The following DNAH9 variants were observed in gnomAD, a reference collection of about 807,000 sequenced individuals.
The protein encoded by DNAH9 is DNAH9 variant protein.
Under a neutral mutation model 471.6 loss-of-function variants are expected in DNAH9, and 345 were observed. The observed-to-expected ratio is 0.73, with a 90% CI of 0.67 to 0.80. The LOEUF (loss-of-function observed/expected upper bound fraction) is 0.80. DNAH9 is among the 30% of genes least tolerant of loss of function. DNAH9 has a pLI of 0.00. For synonymous variants in DNAH9, 2,093 were observed against 2,123.6 expected (o/e 0.99, Z 0.40); for missense variants, 5,407 against 5,609.2 (o/e 0.96, Z 1.15).
Position 11,969,689 on chromosome 17 carries a change from G to C in DNAH9, c.*162G>C. 1.6e-6 allele frequency: 1 copy of C among 628,000 alleles called. No homozygotes were observed. The highest frequency in any genetic ancestry group is 2.7e-6 in the Non-Finnish European group (1 of 366,094). The allele number at this position is 628,000 out of a possible 1,614,324, so 38.9% of individuals were successfully genotyped here. A position where few individuals can be genotyped will look rare whatever the true frequency, so the allele number is the denominator to read the frequency against. ...GGGAACTTGGAGAGGTGTGCCTAAGGTGAGGCTGAGCTGAAGGAATGTGGG... is the reference window on the plus strand; with the variant it reads ...GGGAACTTGGAGAGGTGTGCCTAAGCTGAGGCTGAGCTGAAGGAATGTGGG... On this transcript the variant is annotated 3_prime_UTR_variant, in exon 69 of 69. Transcript: ENST00000262442.
intron 14 of DNAH9, among the ~76,000 whole-genome samples, chr17:11,653,231 TTTAA>T (rs1425414088): frequency 6.6e-6 from 1 of 152,224 alleles, no homozygotes; most frequent in Non-Finnish European, 1.5e-5. Flanking sequence ...GGTGACAACA[TTTAA>T]TTGTCACATG....
At chr17:11,772,465 T>C (rs2322050) in intron 38 of DNAH9, among the ~76,000 whole-genome samples, 44,625 of 151,990 alleles carry the variant, frequency 0.29, 10,698 homozygotes, top group African/African-American at 0.67. Flanking sequence ...ACAGAGAATT[T>C]CTTTTTTTCT....
chr17:11,741,371 T>G (rs1186102961), intron 29 of DNAH9, among the ~76,000 whole-genome samples: 1 of 152,200 alleles, frequency 6.6e-6, no homozygotes, highest in African/African-American at 2.4e-5. Context: ...CAAGATAGGG[T>G]TAATAAGTAT....
intron 4 of DNAH9, among the ~76,000 whole-genome samples, chr17:11,615,320 C>G (rs1040845323): frequency 1.3e-5 from 2 of 152,108 alleles, no homozygotes; most frequent in Admixed American, 1.3e-4. Context: ...CACAGTGGCT[C>G]ACACCTGCAA....
chr17:11,883,828 A>G, intron 56 of DNAH9, 78 bp downstream of exon 56: 2 of 1,461,578 alleles, frequency 1.4e-6, no homozygotes, highest in Non-Finnish European at 9.2e-7. Context: ...TTAGACAATG[A>G]GTCTGACTTT....
intron 61 of DNAH9, among the ~76,000 whole-genome samples, chr17:11,909,518 C>T (rs1239516699): frequency 6.6e-6 from 1 of 152,188 alleles, no homozygotes; most frequent in Non-Finnish European, 1.5e-5. Flanking sequence ...CCTACGATTT[C>T]CCCTTGCTCC....
chr17:11,887,007 A>G, intron 57 of DNAH9, 42 bp downstream of exon 57: 1 of 1,579,640 alleles, frequency 6.3e-7, no homozygotes, highest in Non-Finnish European at 8.6e-7. Flanking sequence ...ATAATAAAGC[A>G]GTGTAATATT....
At chr17:11,901,852 C>T (rs1325705266) in intron 59 of DNAH9, among the ~76,000 whole-genome samples, 2 of 152,198 alleles carry the variant, frequency 1.3e-5, no homozygotes, top group African/African-American at 2.4e-5. Context: ...GCCCAAGGGC[C>T]ATGGGTTGGA....
rs970071318 is a variant in DNAH9, at chr17:11,878,131, A to T, written c.10479-1947A>T. 2.0e-5 allele frequency among the ~76,000 whole-genome samples: 3 copies of T among 152,222 alleles called. No homozygotes were observed. The South Asian group carries it at 6.2e-4, about 31-fold the overall frequency. ...TAAAATATTCTTTTCCAGCTGACTAACAATGCATTTTAGACAGGTGTATGT... is the reference window on the plus strand; with the variant it reads ...TAAAATATTCTTTTCCAGCTGACTATCAATGCATTTTAGACAGGTGTATGT... On this transcript the variant is annotated intron_variant, in intron 53 of 68. Transcript: ENST00000262442.
intron 67 of DNAH9, among the ~76,000 whole-genome samples, chr17:11,944,568 C>T (rs575912417): frequency 6.6e-6 from 1 of 152,234 alleles, no homozygotes; most frequent in African/African-American, 2.4e-5. Context: ...CAAAAGGTGA[C>T]AAAACAATGA....
rs781304798 is a variant in DNAH9 at position 11,744,787 on chromosome 17, C to T, written c.6112-10C>T. On this transcript the variant is annotated splice_polypyrimidine_tract_variant and intron_variant, in intron 30 of 68. Coordinates refer to ENST00000262442, the MANE Select transcript of DNAH9 (RefSeq NM_001372.4). Reference sequence around the variant, plus strand: ...GTCTCTCTGTCACTTTGATCTAACACTGCCCACAGGATCACTACGACTGGG... The same window carrying T: ...GTCTCTCTGTCACTTTGATCTAACATTGCCCACAGGATCACTACGACTGGG... The T allele has an allele frequency of 2.5e-6, 4 of 1,605,628 alleles. No homozygotes were observed. Among genetic ancestry groups the T allele is most frequent in the Admixed American group, 1.7e-5 (1 of 59,498 alleles).
intron 36 of DNAH9, among the ~76,000 whole-genome samples, chr17:11,765,277 C>A (rs556045911): frequency 6.6e-6 from 1 of 152,228 alleles, no homozygotes; most frequent in East Asian, 1.9e-4. Context: ...TCTCTTGCAA[C>A]AGGGGATCAG....
intron 13 of DNAH9, 73 bp downstream of exon 13, chr17:11,651,397 A>G: frequency 6.9e-7 from 1 of 1,439,688 alleles, no homozygotes; most frequent in South Asian, 1.3e-5. Context: ...TAGAACCTCC[A>G]ATTATTCCCT....
chr17:11,961,507 A>AATC (rs150460351), intron 67 of DNAH9, among the ~76,000 whole-genome samples: 1,618 of 152,216 alleles, frequency 0.011, 33 homozygotes, highest in African/African-American at 0.037. Context: ...CATGCAGGAG[A>AATC]GTCATGGAAT....
Position 11,969,581 on chromosome 17 carries a change from A to AG in DNAH9, c.*57dup, listed in dbSNP as rs1044950461. ...AAAGCTGGGCTTGGAGGCTGCCTAGAGGGACAGGTGGGTGAAGGGTCACCA... is the reference window on the plus strand; with the variant it reads ...AAAGCTGGGCTTGGAGGCTGCCTAGAGGGGACAGGTGGGTGAAGGGTCACCA... On this transcript the variant is annotated 3_prime_UTR_variant, in exon 69 of 69. Transcript: ENST00000262442. The AG allele has an allele frequency of 6.9e-7, 1 of 1,451,924 alleles. No homozygotes were observed. Among genetic ancestry groups the AG allele is most frequent in the African/African-American group, 1.4e-5 (1 of 70,404 alleles). The allele number at this position is 1,451,924 out of a possible 1,614,324, so 89.9% of individuals were successfully genotyped here.
chr17:11,732,718 C>T (rs2075288747), intron 28 of DNAH9, among the ~76,000 whole-genome samples: 1 of 152,168 alleles, frequency 6.6e-6, no homozygotes, highest in Non-Finnish European at 1.5e-5. Context: ...ATCTTCTTTA[C>T]TATTGCAATC....
chr17:11,821,121 A>G (rs1436129196), intron 45 of DNAH9, among the ~76,000 whole-genome samples: 1 of 151,954 alleles, frequency 6.6e-6, no homozygotes, highest in Non-Finnish European at 1.5e-5. Context: ...TATCTCTACT[A>G]AAAATACAAA....
chr17:11,768,573 C>G lies in DNAH9; in HGVS notation c.7291C>G (p.Pro2431Ala). Residue 2431 changes from proline (P) to alanine (A), a missense_variant, in exon 37 of 69, where the codon CCT becomes GCT. Pro to Ala is a conservative substitution (Grantham distance 27). Around this residue, in one of 3 missense-constraint regions of DNAH9, gnomAD observed 4,636 missense variants for 4,900.3 expected, o/e 0.95. Transcript: ENST00000262442. ...CGACCCAGAGACCAAGAAATTCGAGCCTTGGTCCAAGCTCGTCCCCCAGTT... is the reference window on the plus strand; with the variant it reads ...CGACCCAGAGACCAAGAAATTCGAGGCTTGGTCCAAGCTCGTCCCCCAGTT... ...YIDPETKKFE[P>A]WSKLVPQFEF... 3.1e-6 allele frequency: 5 copies of G among 1,614,142 alleles called. No homozygotes were observed. The highest frequency in any genetic ancestry group is 2.2e-5 in the East Asian group (1 of 44,874).
Position 11,822,782 on chromosome 17 carries a change from T to A in DNAH9, c.9013-19T>A, listed in dbSNP as rs771739358. 5 of 1,613,342 alleles carry A rather than the reference T, an allele frequency of 3.1e-6. No homozygotes were observed. In the South Asian group the frequency reaches 5.5e-5, roughly 18 times the overall value. ...TTCAACACAAGATAATCTTTTCATTTCTTGCTCTTTGGTTTTAGCCCACAG... is the reference window on the plus strand; with the variant it reads ...TTCAACACAAGATAATCTTTTCATTACTTGCTCTTTGGTTTTAGCCCACAG... On this transcript the variant is annotated intron_variant, in intron 47 of 68. Coordinates refer to ENST00000262442, the MANE Select transcript of DNAH9 (RefSeq NM_001372.4).
Sources: gnomAD v4.1 joint callset for allele counts (sites outside exome capture counted in the v4.1 genomes callset) on GRCh38, gnomAD v4.1.1 for gene constraint, gnomAD v4.1.1 regional missense constraint, MANE v1.5 for transcripts, NCBI Gene and HGNC (gene_info 2026-07-23, HGNC 2026-07-21) for gene names.